The following ETNK2 variants were observed in gnomAD, a reference collection of about 807,000 sequenced individuals.
ETNK2 encodes the protein ethanolamine kinase 2.
ETNK2 carries 33 observed loss-of-function variants against 46.2 expected under a neutral mutation model. That is an observed-to-expected ratio of 0.71 (90% confidence interval 0.54 to 0.96). The LOEUF is 0.96. ETNK2 is among the 40% of genes least tolerant of loss of function. The pLI is 0.00. For missense variants in ETNK2, 445 were observed against 509.7 expected, an observed-to-expected ratio of 0.87 and a Z score of 1.22; for synonymous variants, 194 against 209.0, an observed-to-expected ratio of 0.93 and a Z score of 0.62.
chr1:204,146,211 C>A (rs1407257708), intron 3 of ETNK2, among the ~76,000 whole-genome samples: 1 of 152,108 alleles, frequency 6.6e-6, no homozygotes, highest in Non-Finnish European at 1.5e-5. Context: ...TCAGTCCCAC[C>A]TCATTCTGAG....
At chr1:204,140,395 C>T (rs909400347) in intron 4 of ETNK2, among the ~76,000 whole-genome samples, 5 of 152,196 alleles carry the variant, frequency 3.3e-5, no homozygotes, top group Non-Finnish European at 7.3e-5. Context: ...CTAAAGACAG[C>T]TGTCCTCAGC....
rs368335206 is a variant in ETNK2, at chr1:204,137,252, G to A, written c.869-3C>T. Reference sequence around the variant, plus strand: ...GCAGTAATCCACCTCATTCACGCCTGAGGGGGAGGCAGGCCAGACAAAGTT... The same window carrying A: ...GCAGTAATCCACCTCATTCACGCCTAAGGGGGAGGCAGGCCAGACAAAGTT... On this transcript the variant is annotated splice_polypyrimidine_tract_variant and splice_region_variant and intron_variant, in intron 5 of 7. Transcript: ENST00000367202. 74 of 1,613,328 alleles carry A rather than the reference G, an allele frequency of 4.6e-5. No homozygotes were observed. The highest frequency in any genetic ancestry group is 6.0e-5 in the Non-Finnish European group (71 of 1,179,598).
At position 204,152,032 on chromosome 1, in the gene ETNK2, C is replaced by T; in HGVS notation, c.-180G>A. ...ACCGCCGACCCCGGAGCGCCGCGGCCCGCCGCGATTGTGACATCACGGGCG... is the reference window on the plus strand; with the variant it reads ...ACCGCCGACCCCGGAGCGCCGCGGCTCGCCGCGATTGTGACATCACGGGCG... On this transcript the variant is annotated 5_prime_UTR_variant, in exon 1 of 8. Coordinates refer to ENST00000367202, the MANE Select transcript of ETNK2 (RefSeq NM_018208.4). The surrounding 1 kb of genome is among the most constrained non-coding windows in gnomAD (Gnocchi z 4.2). The T allele has an allele frequency of 1.8e-6, 1 of 555,842 alleles. No individual in the cohort carries two copies. Among genetic ancestry groups the T allele is most frequent in the Non-Finnish European group, 2.7e-6 (1 of 375,056 alleles). The allele number at this position is 555,842 out of a possible 1,614,324, so 34.4% of individuals were successfully genotyped here. A position where few individuals can be genotyped will look rare whatever the true frequency, so the allele number is the denominator to read the frequency against.
intron 3 of ETNK2, chr1:204,141,947 T>G: frequency 1.3e-5 from 2 of 159,044 alleles, no homozygotes; most frequent in Non-Finnish European, 2.8e-5. Flanking sequence ...CCCACAAAGA[T>G]CCTCCCCAGG....
chr1:204,144,956 G>A (rs560535003), intron 3 of ETNK2, among the ~76,000 whole-genome samples: 64 of 152,306 alleles, frequency 4.2e-4, no homozygotes, highest in African/African-American at 1.3e-3. Flanking sequence ...TACCTAGATG[G>A]CTCTTAAGCT....
At chr1:204,143,953 G>A (rs1416868036) in intron 3 of ETNK2, among the ~76,000 whole-genome samples, 1 of 152,094 alleles carries the variant, frequency 6.6e-6, no homozygotes, top group African/African-American at 2.4e-5. Flanking sequence ...ATTTCCACAG[G>A]TGTCCGACAC....
At chr1:204,133,517 TC>T (rs1657152030) in intron 7 of ETNK2, among the ~76,000 whole-genome samples, 1 of 141,140 alleles carries the variant, frequency 7.1e-6, no homozygotes, top group African/African-American at 2.7e-5. Context: ...TTTTATCATT[TC>T]ATTTTATTTT....
chr1:204,137,406 T>C (rs1019324006), intron 5 of ETNK2, among the ~76,000 whole-genome samples, 157 bp from the exon 6 acceptor site: 1 of 152,112 alleles, frequency 6.6e-6, no homozygotes, highest in Non-Finnish European at 1.5e-5. Flanking sequence ...GCTTCTTTGA[T>C]TACTAAACTC....
intron 2 of ETNK2, chr1:204,147,135 T>C: frequency 2.5e-6 from 1 of 394,600 alleles, no homozygotes; most frequent in Non-Finnish European, 4.9e-6. Flanking sequence ...GGGCTGGCCC[T>C]CCTCTCCCCG....
chr1:204,134,402 C>T, intron 7 of ETNK2, 113 bp downstream of exon 7: 1 of 1,222,520 alleles, frequency 8.2e-7, no homozygotes, highest in Non-Finnish European at 1.1e-6. Context: ...GGCGAGTCAG[C>T]AGAGCAGGGG....
intron 2 of ETNK2, among the ~76,000 whole-genome samples, 157 bp downstream of exon 2, chr1:204,149,546 C>T (rs1050924031): frequency 2.6e-5 from 4 of 152,194 alleles, no homozygotes. Context: ...AGCGATAGCC[C>T]CTCTCTGCAG....
At chr1:204,148,341 G>A (rs1473107061) in intron 2 of ETNK2, among the ~76,000 whole-genome samples, 2 of 152,068 alleles carry the variant, frequency 1.3e-5, no homozygotes, top group African/African-American at 4.8e-5. Context: ...TGACAGCATC[G>A]GATACACAGA....
At chr1:204,148,877 C>T (rs1359795751) in intron 2 of ETNK2, among the ~76,000 whole-genome samples, 2 of 152,186 alleles carry the variant, frequency 1.3e-5, no homozygotes, top group African/African-American at 2.4e-5. Context: ...GGCAGATCCC[C>T]GTGCCACTGT....
rs746649734 is a variant in ETNK2, at chr1:204,141,357, T to C, written c.742A>G (p.Asn248Asp). The C allele has an allele frequency of 6.2e-6, 10 of 1,613,996 alleles. No individual in the cohort carries two copies. The highest frequency in any genetic ancestry group is 7.6e-6 in the Non-Finnish European group (9 of 1,179,894). The change falls in exon 4 of 8, where the codon AAT (asparagine) becomes GAT (aspartate). Residue 248 changes from asparagine to aspartate, a missense_variant. Physicochemically the swap from Asn to Asp is conservative, Grantham distance 23. Transcript: ENST00000367202. Reference sequence around the variant, plus strand: ...ATGATATTCTTGCAGAGCAGGTCATTGTGACAAAACACCACAGGGGACTCC... The same window carrying C: ...ATGATATTCTTGCAGAGCAGGTCATCGTGACAAAACACCACAGGGGACTCC... ...QLESPVVFCHNDLLCKNIIYD... is the reference protein window; with the variant it reads ...QLESPVVFCHDDLLCKNIIYD...
chr1:204,137,045 A>G, intron 6 of ETNK2, 59 bp downstream of exon 6: 1 of 1,592,472 alleles, frequency 6.3e-7, no homozygotes, highest in Non-Finnish European at 8.6e-7. Context: ...TAGGTGGGTC[A>G]CCAGTCCCTC....
intron 3 of ETNK2, among the ~76,000 whole-genome samples, chr1:204,146,313 C>T (rs933386760): frequency 2.0e-5 from 3 of 152,278 alleles, no homozygotes; most frequent in Non-Finnish European, 4.4e-5. Context: ...AGCCCCATAA[C>T]GCTGGGCCAA....
chr1:204,149,593 C>T, intron 2 of ETNK2, 110 bp downstream of exon 2: 1 of 1,342,224 alleles, frequency 7.5e-7, no homozygotes, highest in Non-Finnish European at 1.0e-6. Context: ...CATGCAATTT[C>T]AGGGAACTCA....
chr1:204,140,968 T>G (rs897311924), intron 4 of ETNK2: 2 of 367,084 alleles, frequency 5.4e-6, no homozygotes, highest in Non-Finnish European at 1.1e-5. Flanking sequence ...GACTATAGCA[T>G]GTACCACCAT....
Position 204,131,298 on chromosome 1 carries a change from G to C in ETNK2, c.*886C>G, listed in dbSNP as rs1454121179. 1 of 152,336 alleles carries C rather than the reference G, an allele frequency of 6.6e-6. No homozygotes were observed. The highest frequency in any genetic ancestry group is 1.5e-5 in the Non-Finnish European group (1 of 68,200). 9.4% of individuals were successfully genotyped at this position (152,336 alleles called of 1,614,324 possible). On this transcript the variant is annotated 3_prime_UTR_variant, in exon 8 of 8. Coordinates refer to ENST00000367202, the MANE Select transcript of ETNK2 (RefSeq NM_018208.4). This position sits in a 1 kb window ranked among gnomAD's most constrained non-coding sequence, Gnocchi z 4.3. The stretch of plus-strand genomic sequence containing the variant: ...CACCCCATCCTCTTGGCTCCCTCTA[G>C]TCATTCCAGATAGGAAGACCTCGGG...
Sources: allele counts gnomAD v4.1 joint callset (sites outside exome capture counted in the v4.1 genomes callset), GRCh38; gene constraint gnomAD v4.1.1; non-coding constraint Gnocchi (gnomAD v3.1); transcripts MANE v1.5; gene names NCBI Gene and HGNC (gene_info 2026-07-23, HGNC 2026-07-21).